The following PHLDB2 variants were observed in gnomAD, a reference collection of about 807,000 sequenced individuals.
PHLDB2 encodes the protein pleckstrin homology like domain family B member 2, also known as pleckstrin homology-like domain family B member 2.
In PHLDB2, 71 loss-of-function variants were observed where a neutral mutation model predicts 123.6. The observed-to-expected ratio is 0.57, with a 90% confidence interval of 0.47 to 0.70. The LOEUF (loss-of-function observed/expected upper bound fraction) is 0.70. Among genes scored for constraint, PHLDB2 ranks in the 30% least tolerant of loss-of-function variants. The pLI is 0.00. For synonymous variants in PHLDB2, 547 were observed against 541.6 expected, an observed-to-expected ratio of 1.01 and a Z score of -0.14; for missense variants, 1,446 against 1,519.5, an observed-to-expected ratio of 0.95 and a Z score of 0.80.
At chr3:111,813,030 G>A (rs1484021611) in intron 1 of PHLDB2, among the ~76,000 whole-genome samples, 2 of 152,128 alleles carry the variant, frequency 1.3e-5, no homozygotes, top group Non-Finnish European at 2.9e-5. Context: ...AAGAGACCAA[G>A]GCTTCAATAA....
chr3:111,745,133 G>C (rs2059661958), intron 1 of PHLDB2, among the ~76,000 whole-genome samples: 1 of 152,174 alleles, frequency 6.6e-6, no homozygotes. Context: ...CAAAATAGTT[G>C]CATCTGTAAA....
chr3:111,742,378 G>A (rs2059617989), intron 1 of PHLDB2, among the ~76,000 whole-genome samples: 1 of 152,076 alleles, frequency 6.6e-6, no homozygotes, highest in Non-Finnish European at 1.5e-5. Flanking sequence ...TGTTACACAT[G>A]TATACATGTG....
chr3:111,752,080 A>G (rs1319012496), intron 1 of PHLDB2, among the ~76,000 whole-genome samples: 1 of 152,234 alleles, frequency 6.6e-6, no homozygotes, highest in Non-Finnish European at 1.5e-5. Context: ...CCACAGAAAC[A>G]TAAACTACCA....
intron 5 of PHLDB2, among the ~76,000 whole-genome samples, chr3:111,925,092 G>T (rs2015457): frequency 0.13 from 19,885 of 152,176 alleles, 1,636 homozygotes; most frequent in Non-Finnish European, 0.18. Flanking sequence ...GCCTCCCAAA[G>T]TGCTGGGATT....
Position 111,966,670 on chromosome 3 carries a change from T to G in PHLDB2, c.3135T>G (p.Ala1045=). ...IEEMERLLKQ[A]HAEKTRLLES... ...AAATGGAGAGACTTTTGAAGCAGGC[T>G]CATGCAGAAAAGACGCGGCTGCTCG... Residue 1045 remains alanine (A), a synonymous_variant, in exon 14 of 18, where the codon GCT becomes GCG. Coordinates refer to ENST00000431670, the MANE Select transcript of PHLDB2 (RefSeq NM_001134438.2). 5 of 1,613,550 alleles carry G rather than the reference T, an allele frequency of 3.1e-6. No homozygotes were observed. The highest frequency in any genetic ancestry group is 4.2e-6 in the Non-Finnish European group (5 of 1,179,686).
At chr3:111,887,030 C>T (rs937891721) in intron 2 of PHLDB2, among the ~76,000 whole-genome samples, 3 of 152,136 alleles carry the variant, frequency 2.0e-5, no homozygotes, top group South Asian at 2.1e-4. Context: ...TCCATTACTC[C>T]GGACATCTTC....
In PHLDB2 at chr3:111,804,271, G is replaced by A. The variant is rs183913732; in HGVS notation, c.-48-41550G>A. ...CACATGGTCTATAAACAAACAAAAAGTTAGAAGAATCTTTGAAGAGATAAT... is the reference window on the plus strand; with the variant it reads ...CACATGGTCTATAAACAAACAAAAAATTAGAAGAATCTTTGAAGAGATAAT... On this transcript the variant is annotated intron_variant, in intron 1 of 17. Coordinates refer to the PHLDB2 transcript ENST00000393923. 2.6e-5 allele frequency among the ~76,000 whole-genome samples: 4 copies of A among 152,250 alleles called. No individual in the cohort carries two copies. In the East Asian group the frequency reaches 7.7e-4, roughly 29 times the overall value.
At chr3:111,747,634 G>A (rs2059701409) in intron 1 of PHLDB2, among the ~76,000 whole-genome samples, 1 of 152,002 alleles carries the variant, frequency 6.6e-6, no homozygotes, top group South Asian at 2.1e-4. Flanking sequence ...AGTAGCCTCT[G>A]ACTATGTTTC....
At chr3:111,752,839 C>T (rs1358756650) in intron 1 of PHLDB2, among the ~76,000 whole-genome samples, 2 of 151,558 alleles carry the variant, frequency 1.3e-5, no homozygotes, top group Admixed American at 6.6e-5. Flanking sequence ...TGATGTTCCC[C>T]CTCCTGTGTC....
chr3:111,862,406 C>T (rs1027187854), intron 1 of PHLDB2, among the ~76,000 whole-genome samples: 7 of 152,166 alleles, frequency 4.6e-5, no homozygotes, highest in African/African-American at 1.7e-4. Flanking sequence ...TACATTAGAG[C>T]TGTGGTTTTC....
At chr3:111,804,250 T>A (rs1250233060) in intron 1 of PHLDB2, among the ~76,000 whole-genome samples, 1 of 152,200 alleles carries the variant, frequency 6.6e-6, no homozygotes, top group African/African-American at 2.4e-5. Flanking sequence ...TGAGAACACA[T>A]GGTCTATAAA....
rs769598578 is a variant in PHLDB2 at position 111,884,070 on chromosome 3, G to A, written c.-8G>A. 1.4e-5 allele frequency: 23 copies of A among 1,595,428 alleles called. No homozygotes were observed. In the East Asian group the frequency reaches 4.7e-4, roughly 33 times the overall value. On this transcript the variant is annotated 5_prime_UTR_variant, in exon 2 of 18. Transcript: ENST00000431670. ...CTGTTTTATTTCTTTACAGATTCCA[G>A]CAAGATTATGGAAGAGCATAGCTAC...
At position 111,919,207 on chromosome 3, in the gene PHLDB2, T is replaced by G. The variant is rs371307054; in HGVS notation, c.1855T>G (p.Phe619Val). Residue 619 changes from phenylalanine (F) to valine (V), a missense_variant, in exon 4 of 18, where the codon TTC becomes GTC. Transcript: ENST00000431670. ...CATAAATGATCAGATGGATGAGTCT[T>G]TCAGAGAGGTAAACTTTTTACCCTC... is the stretch of plus-strand genomic sequence containing the variant. Reference protein sequence around the residue: ...KDINDQMDESFRELDMECALL... With the variant: ...KDINDQMDESVRELDMECALL... The G allele has an allele frequency of 6.2e-7, 1 of 1,613,958 alleles. No individual in the cohort carries two copies. The highest frequency in any genetic ancestry group is 8.5e-7 in the Non-Finnish European group (1 of 1,179,934).
intron 1 of PHLDB2, among the ~76,000 whole-genome samples, chr3:111,792,837 G>A (rs2060986589): frequency 1.3e-5 from 2 of 152,164 alleles, no homozygotes; most frequent in African/African-American, 4.8e-5. Context: ...GGTATGTACT[G>A]AACCAAGATT....
At chr3:111,962,865 G>T (rs112772396) in intron 13 of PHLDB2, among the ~76,000 whole-genome samples, 99 of 149,118 alleles carry the variant, frequency 6.6e-4, no homozygotes, top group Middle Eastern at 3.5e-3. Flanking sequence ...GGAGGCGGAG[G>T]TTACAGTGAG....
intron 1 of PHLDB2, among the ~76,000 whole-genome samples, chr3:111,837,589 G>A (rs182796386): frequency 2.0e-5 from 3 of 152,326 alleles, no homozygotes; most frequent in Admixed American, 2.0e-4. Context: ...GGCTTGCTAA[G>A]GAGGGGCTAT....
chr3:111,808,050 G>A (rs1394968260), intron 1 of PHLDB2, among the ~76,000 whole-genome samples: 1 of 151,068 alleles, frequency 6.6e-6, no homozygotes, highest in East Asian at 1.9e-4. Context: ...ACCAATGCCT[G>A]GGACCCAGCC....
intron 1 of PHLDB2, among the ~76,000 whole-genome samples, chr3:111,733,079 CAG>C (rs1400008798): frequency 6.6e-6 from 1 of 151,954 alleles, no homozygotes; most frequent in African/African-American, 2.4e-5. Context: ...CAAGACATAC[CAG>C]AGAGGACAGT....
chr3:111,805,940 C>A (rs987947280), intron 1 of PHLDB2, among the ~76,000 whole-genome samples: 1 of 150,462 alleles, frequency 6.6e-6, no homozygotes, highest in Non-Finnish European at 1.5e-5. Context: ...ATATAAAATT[C>A]CATTTATATG....
Sources: gnomAD v4.1 joint callset for allele counts (sites outside exome capture counted in the v4.1 genomes callset) on GRCh38, gnomAD v4.1.1 for gene constraint, MANE v1.5 for transcripts, NCBI Gene and HGNC (gene_info 2026-07-23, HGNC 2026-07-21) for gene names.